The following EPS15L1 variants were observed in gnomAD, a reference collection of about 807,000 sequenced individuals.
EPS15L1 encodes epidermal growth factor receptor substrate 15-like 1.
Under a neutral mutation model 117.1 loss-of-function variants are expected in EPS15L1, and 43 were observed. The observed-to-expected ratio is 0.37, with a 90% CI of 0.29 to 0.47. The LOEUF (loss-of-function observed/expected upper bound fraction) is 0.47, where lower values mean the gene tolerates loss of function less well. Ranked by LOEUF, EPS15L1 falls within the 20% of genes least tolerant of loss-of-function variation. EPS15L1 has a pLI of 0.99. For missense variants in EPS15L1, 981 were observed against 1,164.0 expected (o/e 0.84, Z 2.29); for synonymous variants, 459 against 470.5 (o/e 0.98, Z 0.32).
chr19:16,397,844 G>A (rs1214520472), intron 16 of EPS15L1, among the ~76,000 whole-genome samples: 2 of 151,998 alleles, frequency 1.3e-5, no homozygotes, highest in Non-Finnish European at 2.9e-5. Context: ...TTTAAATAAG[G>A]ACTCTGTTTT....
Position 16,377,161 on chromosome 19 carries a change from G to A in EPS15L1, c.2341C>T (p.Pro781Ser), listed in dbSNP as rs1317215800. Residue 781 changes from proline (P) to serine (S), a missense_variant, in exon 22 of 24, where the codon CCG becomes TCG. This residue lies in a region of EPS15L1 where 819 missense variants were observed against 949.0 expected (regional missense o/e 0.86). Coordinates refer to ENST00000455140, the MANE Select transcript of EPS15L1 (RefSeq NM_001258374.3). ...KSKQDTPALPPKKPAPPRPKP... is the reference protein window; with the variant it reads ...KSKQDTPALPSKKPAPPRPKP... ...GGCCGTGGAGGAGCAGGTTTCTTCGGAGGCAGAGCAGGAGTGTCCTGTTTA... is the reference window on the plus strand; with the variant it reads ...GGCCGTGGAGGAGCAGGTTTCTTCGAAGGCAGAGCAGGAGTGTCCTGTTTA... 1.2e-6 allele frequency: 2 copies of A among 1,610,036 alleles called. No individual in the cohort carries two copies. Among genetic ancestry groups the A allele is most frequent in the Non-Finnish European group, 1.7e-6 (2 of 1,178,332 alleles).
chr19:16,413,450 T>G, intron 13 of EPS15L1: 1 of 753,632 alleles, frequency 1.3e-6, no homozygotes. Flanking sequence ...GCTACCTGAC[T>G]CCCAACCTCT....
chr19:16,366,307 C>T (rs1379042794), intron 22 of EPS15L1, among the ~76,000 whole-genome samples: 1 of 152,096 alleles, frequency 6.6e-6, no homozygotes, highest in Non-Finnish European at 1.5e-5. Context: ...AGAGCGACTG[C>T]CACGGTACAG....
chr19:16,418,853 C>T (rs1428355089), intron 10 of EPS15L1, among the ~76,000 whole-genome samples: 1 of 152,186 alleles, frequency 6.6e-6, no homozygotes, highest in African/African-American at 2.4e-5. Flanking sequence ...GAGCCCTCAC[C>T]AGACACTGGA....
chr19:16,458,129 T>TG (rs1222526306), intron 1 of EPS15L1, among the ~76,000 whole-genome samples: 2 of 152,046 alleles, frequency 1.3e-5, no homozygotes, highest in African/African-American at 4.8e-5. Flanking sequence ...TTCCTGACAG[T>TG]GGGGGGTGGC....
chr19:16,436,559 C>T (rs1474407799), intron 6 of EPS15L1: 2 of 178,878 alleles, frequency 1.1e-5, no homozygotes, highest in Admixed American at 5.9e-5. Flanking sequence ...TGGGGGTCCA[C>T]GTGCTTGCAA....
At chr19:16,432,071 C>G (rs550441591) in intron 7 of EPS15L1, among the ~76,000 whole-genome samples, 1 of 152,280 alleles carries the variant, frequency 6.6e-6, no homozygotes, top group South Asian at 2.1e-4. Context: ...GGCCCTGGAA[C>G]CAATCCCCCT....
chr19:16,471,773 C>T lies in EPS15L1; in HGVS notation c.33+140G>A. The T allele has an allele frequency of 4.4e-6, 1 of 225,272 alleles. No homozygotes were observed. Among genetic ancestry groups the T allele is most frequent in the Non-Finnish European group, 8.4e-6 (1 of 118,870 alleles). 14.0% of individuals were successfully genotyped at this position (225,272 alleles called of 1,614,324 possible). On this transcript the variant is annotated intron_variant, in intron 1 of 23. Coordinates refer to ENST00000455140, the MANE Select transcript of EPS15L1 (RefSeq NM_001258374.3). The surrounding 1 kb of genome is among the most constrained non-coding windows in gnomAD (Gnocchi z 4.8). ...GGCCTGTCACCTTCAGGGCCGCCTG[C>T]CCACCCGCCCGCCGCAAGCCCTTCA...
rs574136276 is a variant in EPS15L1 at position 16,405,794 on chromosome 19, C to T, written c.1267-1045G>A. Among the ~76,000 whole-genome samples the T allele has an allele frequency of 1.1e-3, 162 of 152,360 alleles. No individual in the cohort carries two copies. Among genetic ancestry groups the T allele is most frequent in the African/African-American group, 3.6e-3 (150 of 41,586 alleles). On this transcript the variant is annotated intron_variant, in intron 13 of 23. Coordinates refer to ENST00000455140, the MANE Select transcript of EPS15L1 (RefSeq NM_001258374.3). The surrounding 1 kb of genome is among the most constrained non-coding windows in gnomAD (Gnocchi z 4.0). ...CAGCACCTCCGGGGATGGGGACACCCAAGAAGAGGGCAGAGGCTTCTCACC... is the reference window on the plus strand; with the variant it reads ...CAGCACCTCCGGGGATGGGGACACCTAAGAAGAGGGCAGAGGCTTCTCACC...
chr19:16,428,316 C>T (rs1404554558), intron 8 of EPS15L1, among the ~76,000 whole-genome samples: 7 of 151,546 alleles, frequency 4.6e-5, no homozygotes, highest in Admixed American at 2.6e-4. Context: ...TGGAGACCAT[C>T]CTGGCCAAGA....
chr19:16,390,073 G>A (rs1309502569), intron 19 of EPS15L1, among the ~76,000 whole-genome samples: 1 of 151,856 alleles, frequency 6.6e-6, no homozygotes, highest in East Asian at 1.9e-4. Context: ...TACAAGGCAG[G>A]GACTTCTGAC....
In EPS15L1 at chr19:16,395,296, A is replaced by AT. The variant is rs761519990; in HGVS notation, c.1915+47dup. 13 of 1,584,880 alleles carry AT rather than the reference A, an allele frequency of 8.2e-6. No individual in the cohort carries two copies. In the South Asian group the frequency reaches 1.5e-4, roughly 18 times the overall value. ...GTTGAAGAACCACTCTAAATTCGAC[A>AT]TAAAACACACAGTCTTTCAATGAGA... On this transcript the variant is annotated intron_variant, in intron 17 of 23. Coordinates refer to ENST00000455140, the MANE Select transcript of EPS15L1 (RefSeq NM_001258374.3).
chr19:16,425,213 C>T lies in EPS15L1; in HGVS notation c.662G>A (p.Gly221Asp), dbSNP rs1360313179. Residue 221 changes from glycine to aspartate, a missense_variant, in exon 9 of 24, where the codon GGC becomes GAC. By Grantham distance (94) the Gly-to-Asp change is moderately conservative. Coordinates refer to ENST00000455140, the MANE Select transcript of EPS15L1 (RefSeq NM_001258374.3). Reference sequence around the variant, plus strand: ...GCTGGCAGGCAGGACGGGGACGGCGCCAGGGAACACAGTCTTCTTTCTCTT... The same window carrying T: ...GCTGGCAGGCAGGACGGGGACGGCGTCAGGGAACACAGTCTTCTTTCTCTT... ...PSKRKKTVFP[G>D]AVPVLPASPP... 1.9e-6 allele frequency: 3 copies of T among 1,605,120 alleles called. No individual in the cohort carries two copies. In the Admixed American group the frequency reaches 5.0e-5, roughly 27 times the overall value.
intron 22 of EPS15L1, among the ~76,000 whole-genome samples, chr19:16,373,481 TA>T (rs11344510): frequency 0.094 from 13,042 of 138,884 alleles, 586 homozygotes; most frequent in Middle Eastern, 0.14. Context: ...ACTTTATGCT[TA>T]AAAAAAAAAA....
At chr19:16,385,331 A>T in intron 20 of EPS15L1, 120 bp from the exon 21 acceptor site, 1 of 811,646 alleles carries the variant, frequency 1.2e-6, no homozygotes, top group East Asian at 2.5e-5. Context: ...GCATTTATTC[A>T]TTAGACACGT....
chr19:16,400,760 C>T (rs1284179634), intron 16 of EPS15L1: 1 of 985,284 alleles, frequency 1.0e-6, no homozygotes, highest in East Asian at 1.1e-4. Context: ...AACCTTTGCC[C>T]TGCCCAAAAG....
At chr19:16,462,218 C>T (rs2093260058) in intron 1 of EPS15L1, among the ~76,000 whole-genome samples, 1 of 152,170 alleles carries the variant, frequency 6.6e-6, no homozygotes, top group South Asian at 2.1e-4. Context: ...CACAACATTC[C>T]CTCACTCCTG....
intron 13 of EPS15L1, 151 bp downstream of exon 13, chr19:16,413,622 A>C (rs866555534): frequency 3.8e-6 from 3 of 780,790 alleles, no homozygotes; most frequent in East Asian, 5.0e-5. Flanking sequence ...TGAAAAAAAA[A>C]AAAACAAAAA....
At chr19:16,435,188 G>C (rs1304441411) in intron 6 of EPS15L1, 1 of 152,196 alleles carries the variant, frequency 6.6e-6, no homozygotes, top group East Asian at 1.9e-4. Context: ...CTGGCCTCAA[G>C]TGATCCGCCT....
Sources: gnomAD v4.1 joint callset for allele counts (sites outside exome capture counted in the v4.1 genomes callset) on GRCh38, gnomAD v4.1.1 for gene constraint, gnomAD v4.1.1 regional missense constraint, Gnocchi (gnomAD v3.1) non-coding constraint, MANE v1.5 for transcripts, NCBI Gene and HGNC (gene_info 2026-07-23, HGNC 2026-07-21) for gene names.